NRG4: variants seen among roughly 807,000 people sequenced by gnomAD.
The protein encoded by NRG4 is pro-neuregulin-4, membrane-bound isoform.
In NRG4, 10 loss-of-function variants were observed where a neutral mutation model predicts 15.0. The ratio of observed to expected loss-of-function variants is 0.67; its 90% CI spans 0.41 to 1.13. The LOEUF is 1.13. NRG4 is among the 50% of genes most tolerant of loss of function. The pLI is 0.00. For missense variants in NRG4, 139 were observed against 140.2 expected (o/e 0.99, Z 0.04); for synonymous variants, 41 against 50.1 (o/e 0.82, Z 0.77).
intron 5 of NRG4, among the ~76,000 whole-genome samples, chr15:76,025,700 C>T (rs572351928): frequency 6.6e-6 from 1 of 151,880 alleles, no homozygotes; most frequent in East Asian, 1.9e-4. Context: ...ATGTGGTGAA[C>T]CCCTGTCTCT....
At chr15:75,949,067 C>A (rs950656232) in intron 5 of NRG4, among the ~76,000 whole-genome samples, 1 of 152,136 alleles carries the variant, frequency 6.6e-6, no homozygotes, top group African/African-American at 2.4e-5. Flanking sequence ...ACAAAGAAGT[C>A]TACAATTCAA....
At chr15:76,033,250 T>C (rs2035517998) in intron 5 of NRG4, among the ~76,000 whole-genome samples, 1 of 152,242 alleles carries the variant, frequency 6.6e-6, no homozygotes, top group African/African-American at 2.4e-5. Context: ...TTAGTTTGTT[T>C]GTTTTTCCCC....
At chr15:76,052,590 A>T (rs778385926) in intron 3 of NRG4, among the ~76,000 whole-genome samples, 1 of 151,204 alleles carries the variant, frequency 6.6e-6, no homozygotes, top group Non-Finnish European at 1.5e-5. Flanking sequence ...TACATGTATT[A>T]TCACAGACAG....
At chr15:75,974,282 G>A (rs1243298087) in intron 3 of NRG4, among the ~76,000 whole-genome samples, 1 of 152,106 alleles carries the variant, frequency 6.6e-6, no homozygotes, top group Non-Finnish European at 1.5e-5. Context: ...CTGGCTAGCA[G>A]TCTATCTATT....
intron 4 of NRG4, among the ~76,000 whole-genome samples, chr15:76,036,145 T>G (rs978985629): frequency 6.6e-6 from 1 of 152,204 alleles, no homozygotes; most frequent in Non-Finnish European, 1.5e-5. Context: ...CTGATCAGAT[T>G]AGGTTTCTAA....
chr15:75,989,938 G>T (rs1049243471), intron 3 of NRG4, among the ~76,000 whole-genome samples: 1 of 152,070 alleles, frequency 6.6e-6, no homozygotes, highest in African/African-American at 2.4e-5. Context: ...TTCTTTTAAG[G>T]CTTGGTTTTA....
Position 75,943,666 on chromosome 15 carries a change from A to G in NRG4, c.332-12T>C. The G allele has an allele frequency of 6.5e-7, 1 of 1,537,988 alleles. No homozygotes were observed. The highest frequency in any genetic ancestry group is 9.0e-7 in the Non-Finnish European group (1 of 1,112,920). On this transcript the variant is annotated splice_polypyrimidine_tract_variant and intron_variant, in intron 5 of 5. Transcript: ENST00000394907. ...GTGTTGTTCATGACCTGTGAAAAAT[A>G]AGTAAGAATTAAGATGCTTTCTCCA... is the stretch of plus-strand genomic sequence containing the variant.
intron 5 of NRG4, among the ~76,000 whole-genome samples, chr15:76,030,191 G>A (rs367818873): frequency 1.3e-4 from 19 of 151,922 alleles, no homozygotes; most frequent in Non-Finnish European, 8.8e-5. Flanking sequence ...CCCAGGAGGC[G>A]GAGGTTGCAA....
chr15:75,970,269 A>G (rs978617486), intron 3 of NRG4, among the ~76,000 whole-genome samples: 3 of 152,268 alleles, frequency 2.0e-5, no homozygotes, highest in Admixed American at 6.5e-5. Flanking sequence ...CAACACGTCC[A>G]ATGAAGAAGC....
chr15:76,036,753 CTT>C (rs1057096699), intron 4 of NRG4, among the ~76,000 whole-genome samples: 12 of 152,106 alleles, frequency 7.9e-5, no homozygotes, highest in African/African-American at 2.9e-4. Flanking sequence ...AATTGGGAAA[CTT>C]AAATAGTGTA....
chr15:75,996,389 A>C (rs1470424691), intron 3 of NRG4, among the ~76,000 whole-genome samples: 1 of 152,220 alleles, frequency 6.6e-6, no homozygotes, highest in Non-Finnish European at 1.5e-5. Context: ...TTCATTGAGT[A>C]GTATGAATCT....
In NRG4 at chr15:76,000,349, G is replaced by C. The variant is rs370028342; in HGVS notation, c.104+8851C>G. Among the ~76,000 whole-genome samples the C allele has an allele frequency of 5.3e-5, 8 of 152,072 alleles. 1 individual carries two copies. The East Asian group carries it at 9.6e-4, about 18-fold the overall frequency. ...ATAATTATCTATAATTGATATTATA[G>C]ACAAAAGGCTAATCTTACTAATATA... On this transcript the variant is annotated intron_variant, in intron 3 of 5. Transcript: ENST00000394907.
chr15:75,948,129 G>C (rs576690390), intron 5 of NRG4, among the ~76,000 whole-genome samples: 2 of 152,164 alleles, frequency 1.3e-5, no homozygotes, highest in Admixed American at 1.3e-4. Context: ...TCTGCTGATA[G>C]TGTCTTTTGA....
At chr15:76,005,389 A>C (rs2034562045) in intron 3 of NRG4, among the ~76,000 whole-genome samples, 1 of 149,394 alleles carries the variant, frequency 6.7e-6, no homozygotes, top group Admixed American at 6.7e-5. Context: ...CTCTTAAAAA[A>C]AAAAAAAAAA....
At chr15:75,938,304 A>G (rs1427276111), downstream of NRG4, 3 of 152,228 alleles carry the variant, frequency 2.0e-5, no homozygotes, top group Non-Finnish European at 4.4e-5. Flanking sequence ...ACAATGAACC[A>G]GAAAACCGTG....
At chr15:76,008,673 T>C (rs938407674) in intron 3 of NRG4, among the ~76,000 whole-genome samples, 1 of 152,212 alleles carries the variant, frequency 6.6e-6, no homozygotes. Context: ...CAGTGAATTA[T>C]ATTATTTTAA....
intron 3 of NRG4, among the ~76,000 whole-genome samples, chr15:75,988,857 T>TG (rs2033900343): frequency 6.8e-6 from 1 of 146,044 alleles, no homozygotes; most frequent in Non-Finnish European, 1.5e-5. Flanking sequence ...ACCTTCCTTT[T>TG]TTTTTTTTTT....
chr15:75,953,692 A>G (rs2032045994), intron 5 of NRG4, among the ~76,000 whole-genome samples: 1 of 152,128 alleles, frequency 6.6e-6, no homozygotes, highest in Admixed American at 6.5e-5. Flanking sequence ...GGTTCTGAGC[A>G]ATTTGATTAT....
In NRG4 at chr15:75,941,266, A is replaced by G. The variant is rs1382171944; in HGVS notation, c.*2372T>C. ...ATACCCACTGGGATAGCTCTTATTA[A>G]AATTAAAAAAACACACAAGTGTTGG... On this transcript the variant is annotated 3_prime_UTR_variant, in exon 6 of 6. Transcript: ENST00000394907. 3 of 152,160 alleles carry G rather than the reference A, an allele frequency of 2.0e-5. No homozygotes were observed. Among genetic ancestry groups the G allele is most frequent in the African/African-American group, 7.2e-5 (3 of 41,442 alleles). 9.4% of individuals were successfully genotyped at this position (152,160 alleles called of 1,614,324 possible).
Sources: allele counts gnomAD v4.1 joint callset (sites outside exome capture counted in the v4.1 genomes callset), GRCh38; gene constraint gnomAD v4.1.1; transcripts MANE v1.5; gene names NCBI Gene and HGNC (gene_info 2026-07-23, HGNC 2026-07-21).